CHN2: variants seen among roughly 807,000 people sequenced by gnomAD.
CHN2 encodes the protein beta-chimaerin.
CHN2 carries 35 observed loss-of-function variants against 56.3 expected under a neutral mutation model. That is an observed-to-expected ratio of 0.62 (90% CI 0.47 to 0.82). The LOEUF is 0.82. CHN2 is among the 40% of genes least tolerant of loss of function. The pLI, the probability that CHN2 is intolerant of heterozygous loss-of-function variation, is 0.00. For missense variants in CHN2, 491 were observed against 580.5 expected (o/e 0.85, Z 1.58); for synonymous variants, 210 against 212.8 (o/e 0.99, Z 0.12).
intron 3 of CHN2, chr7:29,376,449 G>C (rs1800088067): frequency 6.6e-6 from 1 of 152,224 alleles, no homozygotes; most frequent in Admixed American, 6.5e-5. Context: ...CCCAGCATCA[G>C]CTGGGAACAG....
intron 2 of CHN2, among the ~76,000 whole-genome samples, chr7:29,161,183 C>T (rs1795127651): frequency 6.6e-6 from 1 of 152,086 alleles, no homozygotes; most frequent in Non-Finnish European, 1.5e-5. Context: ...ATGTTTTCAA[C>T]ATTAGCCTTG....
intron 6 of CHN2, among the ~76,000 whole-genome samples, chr7:29,412,997 T>C (rs1054605892): frequency 2.0e-5 from 3 of 152,180 alleles, no homozygotes; most frequent in East Asian, 1.9e-4. Context: ...CAGGGCTACA[T>C]TGGTTTGTTT....
At chr7:29,408,872 C>G (rs1430755937) in intron 6 of CHN2, among the ~76,000 whole-genome samples, 1 of 152,138 alleles carries the variant, frequency 6.6e-6, no homozygotes, top group Admixed American at 6.5e-5. Flanking sequence ...CTCCTTGTCC[C>G]CATCCAAAAT....
chr7:29,231,828 G>C (rs950158548), intron 1 of CHN2, among the ~76,000 whole-genome samples: 3 of 152,166 alleles, frequency 2.0e-5, no homozygotes, highest in Non-Finnish European at 4.4e-5. Flanking sequence ...TATGTTGCTT[G>C]TTGTTCATCC....
At chr7:29,252,091 C>A (rs1788565973) in intron 1 of CHN2, among the ~76,000 whole-genome samples, 1 of 152,048 alleles carries the variant, frequency 6.6e-6, no homozygotes, top group Non-Finnish European at 1.5e-5. Context: ...ATAATGTCCC[C>A]CCAAATTTAT....
chr7:29,473,633 C>G (rs1165520169), intron 6 of CHN2, among the ~76,000 whole-genome samples: 1 of 151,952 alleles, frequency 6.6e-6, no homozygotes, highest in African/African-American at 2.4e-5. Flanking sequence ...TGCAGATTCT[C>G]TGGCCTGATC....
intron 3 of CHN2, among the ~76,000 whole-genome samples, chr7:29,385,055 G>C (rs1052200036): frequency 2.0e-5 from 3 of 152,100 alleles, no homozygotes; most frequent in African/African-American, 4.8e-5. Context: ...GGAGGGAGGA[G>C]GTTCCCTTAT....
intron 1 of CHN2, among the ~76,000 whole-genome samples, chr7:29,243,418 A>G (rs543966164): frequency 6.6e-6 from 1 of 152,354 alleles, no homozygotes; most frequent in African/African-American, 2.4e-5. Flanking sequence ...TGAATCAGCT[A>G]AACTGCATGC....
At position 29,245,316 on chromosome 7, in the gene CHN2, G is replaced by T. The variant is rs1201361716; in HGVS notation, c.49+50326G>T. Among the ~76,000 whole-genome samples, 3 of 152,280 alleles carry T rather than the reference G, an allele frequency of 2.0e-5. No homozygotes were observed. The East Asian group carries it at 5.8e-4, about 29-fold the overall frequency. ...CAATGTCTAATCAGGCTAACAAAAG[G>T]TAGTGAACATTTCTTTAAAGAGGAA... On this transcript the variant is annotated intron_variant, in intron 1 of 12. Transcript: ENST00000222792.
chr7:29,175,993 T>C lies in CHN2; in HGVS notation c.274+29033T>C, dbSNP rs1032577910. On this transcript the variant is annotated intron_variant, in intron 2 of 6. Coordinates refer to the CHN2 transcript ENST00000439384. ...CAAGGTCAGGAGATCAAGACCATCC[T>C]GACTAACACGGTGAAACCCCGTCTC... Among the ~76,000 whole-genome samples, 8 of 152,122 alleles carry C rather than the reference T, an allele frequency of 5.3e-5. 1 individual carries two copies. The highest frequency in any genetic ancestry group is 8.8e-5 in the Non-Finnish European group (6 of 68,022).
intron 6 of CHN2, among the ~76,000 whole-genome samples, chr7:29,443,822 G>A (rs1473882392): frequency 6.6e-6 from 1 of 152,058 alleles, no homozygotes; most frequent in Non-Finnish European, 1.5e-5. Flanking sequence ...ACTCAGTATT[G>A]ACTAATGTTC....
chr7:29,435,839 T>C (rs1159773827), intron 6 of CHN2, among the ~76,000 whole-genome samples: 1 of 150,284 alleles, frequency 6.7e-6, no homozygotes, highest in Non-Finnish European at 1.5e-5. Flanking sequence ...AAATAAATCA[T>C]TAAGCTGAGA....
At chr7:29,155,895 G>T (rs913811455) in intron 2 of CHN2, among the ~76,000 whole-genome samples, 11 of 152,146 alleles carry the variant, frequency 7.2e-5, no homozygotes, top group African/African-American at 2.7e-4. Flanking sequence ...TCCTGTCAGG[G>T]TCTGTGAGCT....
At chr7:29,252,578 G>GCATC (rs1554378107) in intron 1 of CHN2, among the ~76,000 whole-genome samples, 1 of 19,488 alleles carries the variant, frequency 5.1e-5, no homozygotes, top group Non-Finnish European at 8.2e-5. Flanking sequence ...TGCATTCTTT[G>GCATC]TTTTTTTTTT....
chr7:29,184,761 TTGACCACA>T (rs1188866343), intron 2 of CHN2, among the ~76,000 whole-genome samples: 1 of 152,180 alleles, frequency 6.6e-6, no homozygotes, highest in Non-Finnish European at 1.5e-5. Flanking sequence ...GAAATAATGT[TTGACCACA>T]TACCTGGGCA....
At chr7:29,367,662 T>C (rs1054528356) in intron 2 of CHN2, among the ~76,000 whole-genome samples, 2 of 152,270 alleles carry the variant, frequency 1.3e-5, no homozygotes, top group South Asian at 2.1e-4. Context: ...ACGAAAGCCA[T>C]AAAATGAACA....
Position 29,162,144 on chromosome 7 carries a change from T to C in CHN2, c.274+15184T>C, listed in dbSNP as rs117678869. 2.6e-5 allele frequency among the ~76,000 whole-genome samples: 4 copies of C among 152,330 alleles called. No individual in the cohort carries two copies. In the East Asian group the frequency reaches 7.7e-4, roughly 29 times the overall value. ...TAAAAAGTTAAACACACATTTACTATACAACTGAACAACAGTACCTCTGGG... is the reference window on the plus strand; with the variant it reads ...TAAAAAGTTAAACACACATTTACTACACAACTGAACAACAGTACCTCTGGG... On this transcript the variant is annotated intron_variant, in intron 2 of 6. Transcript: ENST00000439384.
At chr7:29,385,358 C>T (rs1052104621) in intron 3 of CHN2, among the ~76,000 whole-genome samples, 3 of 152,044 alleles carry the variant, frequency 2.0e-5, no homozygotes, top group East Asian at 3.8e-4. Context: ...GTTTATTGAC[C>T]TTGGCACTAT....
At chr7:29,457,582 G>A (rs1784860200) in intron 6 of CHN2, among the ~76,000 whole-genome samples, 1 of 152,158 alleles carries the variant, frequency 6.6e-6, no homozygotes, top group African/African-American at 2.4e-5. Flanking sequence ...CCCACATGGG[G>A]TATAATTGAT....
Sources: allele counts gnomAD v4.1 joint callset (sites outside exome capture counted in the v4.1 genomes callset), GRCh38; gene constraint gnomAD v4.1.1; transcripts MANE v1.5; gene names NCBI Gene and HGNC (gene_info 2026-07-23, HGNC 2026-07-21).